Variants in NDUFB5 observed in about 807,000 individuals in gnomAD.
NDUFB5 encodes NADH dehydrogenase [ubiquinone] 1 beta subcomplex subunit 5, mitochondrial.
Under a neutral mutation model 19.4 loss-of-function variants are expected in NDUFB5, and 19 were observed. The ratio of observed to expected loss-of-function variants is 0.98; its 90% confidence interval spans 0.68 to 1.43. The LOEUF is 1.43. Ranked by LOEUF, NDUFB5 falls within the 40% of genes most tolerant of loss-of-function variation. NDUFB5 has a pLI of 0.00. For synonymous variants in NDUFB5, 80 were observed against 82.6 expected (o/e 0.97, Z 0.17); for missense variants, 233 against 236.5 (o/e 0.99, Z 0.10).
intron 1 of NDUFB5, among the ~76,000 whole-genome samples, chr3:179,607,168 G>C (rs1487431980): frequency 6.6e-6 from 1 of 152,106 alleles, no homozygotes; most frequent in Non-Finnish European, 1.5e-5. Flanking sequence ...ATCAGAGCAG[G>C]GAAGGTTCTA....
intron 2 of NDUFB5, 53 bp downstream of exon 2, chr3:179,615,112 A>AT: frequency 8.9e-7 from 1 of 1,125,382 alleles, no homozygotes; most frequent in Non-Finnish European, 1.3e-6. Context: ...CAGGGAAAAA[A>AT]TTTTTGCCTC....
intron 1 of NDUFB5, among the ~76,000 whole-genome samples, chr3:179,606,359 G>A (rs1005247452): frequency 6.6e-6 from 1 of 151,890 alleles, no homozygotes; most frequent in Non-Finnish European, 1.5e-5. Context: ...TTTTTTTCAA[G>A]ACGGAGTCTT....
chr3:179,619,199 T>G (rs570636329), intron 5 of NDUFB5, among the ~76,000 whole-genome samples: 161 of 129,856 alleles, frequency 1.2e-3, no homozygotes, highest in African/African-American at 5.3e-3. Context: ...AGTGCCTGTT[T>G]TTTTTTTTTT....
chr3:179,607,902 T>G (rs1471611638), intron 1 of NDUFB5: 2 of 670,668 alleles, frequency 3.0e-6, no homozygotes, highest in African/African-American at 3.6e-5. Context: ...ATTTCCTTCC[T>G]TTTTAAAGCT....
In NDUFB5 at chr3:179,623,904, G is replaced by C; in HGVS notation, c.450-16G>C. ...GAAGTGCTGGAATCTCAATATTGCTGTTCCATTTGTTACAGGGTAAAGGAG... is the reference window on the plus strand; with the variant it reads ...GAAGTGCTGGAATCTCAATATTGCTCTTCCATTTGTTACAGGGTAAAGGAG... On this transcript the variant is annotated splice_polypyrimidine_tract_variant and intron_variant, in intron 5 of 5. Coordinates refer to ENST00000259037, the MANE Select transcript of NDUFB5 (RefSeq NM_002492.4). 6.2e-7 allele frequency: 1 copy of C among 1,613,236 alleles called. No individual in the cohort carries two copies. Among genetic ancestry groups the C allele is most frequent in the Non-Finnish European group, 8.5e-7 (1 of 1,179,716 alleles).
chr3:179,615,965 C>CT lies in NDUFB5; in HGVS notation c.214-8dup, dbSNP rs753738888. 3.4e-3 allele frequency: 4,686 copies of CT among 1,362,760 alleles called. No individual in the cohort carries two copies. The highest frequency in any genetic ancestry group is 3.9e-3 in the Non-Finnish European group (3,850 of 986,886). 84.4% of individuals were successfully genotyped at this position (1,362,760 alleles called of 1,614,324 possible). A position where few individuals can be genotyped will look rare whatever the true frequency, so the allele number is the denominator to read the frequency against. On this transcript the variant is annotated splice_polypyrimidine_tract_variant and intron_variant, in intron 2 of 5. Coordinates refer to ENST00000259037, the MANE Select transcript of NDUFB5 (RefSeq NM_002492.4). Reference sequence around the variant, plus strand: ...AGTTACGAAATGGTCATGAGAAACACTTTTTTTTTTATCTTAGAGATTCTA... The same window carrying CT: ...AGTTACGAAATGGTCATGAGAAACACTTTTTTTTTTTATCTTAGAGATTCTA...
chr3:179,611,806 C>G (rs958338562), intron 1 of NDUFB5, among the ~76,000 whole-genome samples: 3 of 151,990 alleles, frequency 2.0e-5, no homozygotes, highest in Non-Finnish European at 4.4e-5. Context: ...TCTGAGGCTA[C>G]GTGCATTTTT....
chr3:179,621,530 T>C (rs1719536486), intron 5 of NDUFB5, among the ~76,000 whole-genome samples: 1 of 131,372 alleles, frequency 7.6e-6, no homozygotes, highest in South Asian at 2.6e-4. Context: ...TTTTGCTCTG[T>C]CTCCCAGGCT....
chr3:179,607,433 A>C (rs1719133165), intron 1 of NDUFB5, among the ~76,000 whole-genome samples: 1 of 152,226 alleles, frequency 6.6e-6, no homozygotes, highest in Non-Finnish European at 1.5e-5. Context: ...TTGGAAGCTA[A>C]AGTGGAAGAC....
At chr3:179,606,413 A>T (rs915183377) in intron 1 of NDUFB5, among the ~76,000 whole-genome samples, 28 of 152,176 alleles carry the variant, frequency 1.8e-4, no homozygotes, top group African/African-American at 6.3e-4. Context: ...ATCTTGGGTC[A>T]CTGCAACCTC....
rs1171579968 is a variant in NDUFB5 at position 179,624,670 on chromosome 3, G to A, written c.*630G>A. On this transcript the variant is annotated 3_prime_UTR_variant, in exon 6 of 6. Transcript: ENST00000259037. ...CTTTTTTGGGGAAGTAGTTGCACTA[G>A]GTAATGTGATTCCTGCAGAGATTAT... 6.6e-6 allele frequency: 1 copy of A among 150,704 alleles called. No homozygotes were observed. Among genetic ancestry groups the A allele is most frequent in the Non-Finnish European group, 1.5e-5 (1 of 67,990 alleles). 9.3% of individuals were successfully genotyped at this position (150,704 alleles called of 1,614,324 possible).
At chr3:179,615,923 G>A in intron 2 of NDUFB5, 60 bp from the exon 3 acceptor site, 1 of 1,257,438 alleles carries the variant, frequency 8.0e-7, no homozygotes. Context: ...TCATGAGGAT[G>A]ATTTGTGTGT....
At chr3:179,608,421 G>A (rs1296534851) in intron 1 of NDUFB5, among the ~76,000 whole-genome samples, 5 of 151,960 alleles carry the variant, frequency 3.3e-5, no homozygotes, top group Admixed American at 6.6e-5. Flanking sequence ...TTGAACTCCC[G>A]GCCTCAGGTG....
intron 1 of NDUFB5, among the ~76,000 whole-genome samples, chr3:179,611,413 CTTT>C (rs1237253703): frequency 7.0e-6 from 1 of 143,786 alleles, no homozygotes; most frequent in Non-Finnish European, 1.5e-5. Flanking sequence ...CAGTTGTTGT[CTTT>C]TTTTTTTTTT....
rs936321982 is a variant in NDUFB5, at chr3:179,618,321, A to G, written c.343-94A>G. On this transcript the variant is annotated intron_variant, in intron 4 of 5. Coordinates refer to ENST00000259037, the MANE Select transcript of NDUFB5 (RefSeq NM_002492.4). The stretch of plus-strand genomic sequence containing the variant: ...GTTACATAGTAGATGTTACTGGTTT[A>G]TCTAACTGAAATGATCATTTTAAAG... 6 of 724,418 alleles carry G rather than the reference A, an allele frequency of 8.3e-6. No homozygotes were observed. In the Admixed American group the frequency reaches 1.5e-4, roughly 18 times the overall value. The allele number at this position is 724,418 out of a possible 1,614,324, so 44.9% of individuals were successfully genotyped here. A position where few individuals can be genotyped will look rare whatever the true frequency, so the allele number is the denominator to read the frequency against.
chr3:179,606,098 G>A (rs908311227), intron 1 of NDUFB5, among the ~76,000 whole-genome samples: 1 of 152,124 alleles, frequency 6.6e-6, no homozygotes, highest in East Asian at 1.9e-4. Flanking sequence ...GACCAATACA[G>A]TCTTAATAGG....
intron 5 of NDUFB5, among the ~76,000 whole-genome samples, chr3:179,622,241 C>T (rs1343415396): frequency 2.6e-5 from 4 of 152,200 alleles, no homozygotes; most frequent in Non-Finnish European, 1.5e-5. Flanking sequence ...GTCTTCCTGC[C>T]TTGGCCTCCC....
chr3:179,607,182 G>T (rs1719128137), intron 1 of NDUFB5, among the ~76,000 whole-genome samples: 1 of 152,170 alleles, frequency 6.6e-6, no homozygotes, highest in South Asian at 2.1e-4. Flanking sequence ...GGTTCTAATA[G>T]CTATGTTTAC....
At chr3:179,617,111 A>G (rs1719401989) in intron 4 of NDUFB5, 67 bp downstream of exon 4, 6 of 1,202,412 alleles carry the variant, frequency 5.0e-6, no homozygotes, top group Middle Eastern at 1.9e-4. Context: ...TAATGTCTTA[A>G]TTCAGCAATT....
Sources: allele counts gnomAD v4.1 joint callset (sites outside exome capture counted in the v4.1 genomes callset), GRCh38; gene constraint gnomAD v4.1.1; transcripts MANE v1.5; gene names NCBI Gene and HGNC (gene_info 2026-07-23, HGNC 2026-07-21).